Variants in DGKB observed in about 807,000 individuals in gnomAD.
DGKB encodes the protein diacylglycerol kinase beta.
Under a neutral mutation model 114.3 loss-of-function variants are expected in DGKB, and 67 were observed. The ratio of observed to expected loss-of-function variants is 0.59; its 90% CI spans 0.48 to 0.72. The LOEUF is 0.72. Ranked by LOEUF, DGKB falls within the 30% of genes least tolerant of loss-of-function variation. The pLI is 0.00. For synonymous variants in DGKB, 398 were observed against 323.1 expected (o/e 1.23, Z -2.49); for missense variants, 907 against 975.2 (o/e 0.93, Z 0.93).
intron 1 of DGKB, among the ~76,000 whole-genome samples, chr7:14,898,853 A>G (rs75062862): frequency 0.013 from 2,020 of 152,282 alleles, 39 homozygotes; most frequent in African/African-American, 0.046. Context: ...TTGAATCTAT[A>G]GTGATCGGCA....
intron 23 of DGKB, among the ~76,000 whole-genome samples, chr7:14,215,833 G>A (rs891663628): frequency 3.9e-5 from 6 of 152,118 alleles, no homozygotes; most frequent in South Asian, 4.2e-4. Context: ...AGATTTGAAA[G>A]GTATGCATTT....
intron 1 of DGKB, among the ~76,000 whole-genome samples, chr7:14,973,907 T>C (rs1181771866): frequency 1.3e-5 from 2 of 148,504 alleles, no homozygotes; most frequent in Non-Finnish European, 3.0e-5. Context: ...TTAAAATAAA[T>C]TTAAAACATA....
At chr7:14,941,492 A>G (rs1785569150) in intron 1 of DGKB, among the ~76,000 whole-genome samples, 2 of 152,108 alleles carry the variant, frequency 1.3e-5, no homozygotes, top group Non-Finnish European at 2.9e-5. Context: ...GCATAATTAA[A>G]TGGGTTTCAT....
intron 23 of DGKB, among the ~76,000 whole-genome samples, chr7:14,208,498 T>C (rs1160569176): frequency 2.0e-5 from 3 of 152,040 alleles, no homozygotes; most frequent in African/African-American, 7.2e-5. Context: ...TTTTGCTGGG[T>C]TGCAAGGGAT....
At chr7:14,337,790 TTACA>T (rs926557542) in intron 23 of DGKB, among the ~76,000 whole-genome samples, 1 of 152,140 alleles carries the variant, frequency 6.6e-6, no homozygotes, top group Non-Finnish European at 1.5e-5. Context: ...TATTATAGAA[TTACA>T]TACATAAACT....
intron 19 of DGKB, among the ~76,000 whole-genome samples, chr7:14,577,836 G>C (rs1208106099): frequency 6.6e-6 from 1 of 152,174 alleles, no homozygotes; most frequent in African/African-American, 2.4e-5. Flanking sequence ...CAAGTCAATA[G>C]ATTCCCTGAA....
chr7:14,844,473 G>C (rs1329822183), intron 1 of DGKB, among the ~76,000 whole-genome samples: 2 of 152,164 alleles, frequency 1.3e-5, no homozygotes, highest in African/African-American at 4.8e-5. Flanking sequence ...AAATAAAGAG[G>C]CTTGGGCATT....
At chr7:14,873,544 G>A (rs951126684) in intron 1 of DGKB, among the ~76,000 whole-genome samples, 1 of 151,880 alleles carries the variant, frequency 6.6e-6, no homozygotes, top group Non-Finnish European at 1.5e-5. Flanking sequence ...TTTGAACAAT[G>A]TATCTATAAT....
chr7:14,212,326 A>T (rs1474677130), intron 23 of DGKB, among the ~76,000 whole-genome samples: 1 of 22,800 alleles, frequency 4.4e-5, no homozygotes, highest in Non-Finnish European at 6.9e-5. Flanking sequence ...TTGTGATTTT[A>T]CTCTCATGTT....
intron 17 of DGKB, among the ~76,000 whole-genome samples, chr7:14,591,897 AC>A (rs1315781981): frequency 6.6e-6 from 1 of 151,908 alleles, no homozygotes; most frequent in East Asian, 1.9e-4. Context: ...CACCAGGAAA[AC>A]CTTTTTTAAA....
chr7:14,703,191 G>A (rs1825523010), intron 6 of DGKB, among the ~76,000 whole-genome samples: 1 of 152,174 alleles, frequency 6.6e-6, no homozygotes, highest in Admixed American at 6.5e-5. Flanking sequence ...TCAGAGAAAT[G>A]ATTAACTACC....
At chr7:14,860,806 A>C (rs1850865056) in intron 1 of DGKB, among the ~76,000 whole-genome samples, 2 of 151,954 alleles carry the variant, frequency 1.3e-5, no homozygotes, top group African/African-American at 4.8e-5. Context: ...TCTTTGAACA[A>C]CCTGATTTTA....
intron 20 of DGKB, among the ~76,000 whole-genome samples, chr7:14,546,165 C>A (rs1794250730): frequency 6.6e-6 from 1 of 152,118 alleles, no homozygotes; most frequent in African/African-American, 2.4e-5. Flanking sequence ...ATTCACATCA[C>A]CAAGGAAAAT....
intron 2 of DGKB, among the ~76,000 whole-genome samples, chr7:14,760,758 G>A (rs149946653): frequency 1.3e-5 from 2 of 152,202 alleles, no homozygotes; most frequent in Non-Finnish European, 2.9e-5. Context: ...CAACTTTAGA[G>A]ACACTGCTTA....
intron 20 of DGKB, among the ~76,000 whole-genome samples, chr7:14,493,650 C>G (rs939207896): frequency 6.6e-6 from 1 of 151,962 alleles, no homozygotes; most frequent in Non-Finnish European, 1.5e-5. Context: ...AGGGATGATT[C>G]AAGACCTGGG....
intron 21 of DGKB, among the ~76,000 whole-genome samples, chr7:14,366,637 A>C (rs186855419): frequency 6.6e-6 from 1 of 152,106 alleles, no homozygotes; most frequent in Admixed American, 6.6e-5. Flanking sequence ...TCGTAATGCA[A>C]ATTATTGCAC....
At chr7:14,648,119 A>C (rs1280990097) in intron 13 of DGKB, among the ~76,000 whole-genome samples, 1 of 152,224 alleles carries the variant, frequency 6.6e-6, no homozygotes, top group Non-Finnish European at 1.5e-5. Context: ...GCTGCCAGGA[A>C]GCTGGAACTG....
At chr7:14,835,637 G>T (rs1045855445) in intron 2 of DGKB, among the ~76,000 whole-genome samples, 2 of 152,098 alleles carry the variant, frequency 1.3e-5, no homozygotes, top group East Asian at 3.9e-4. Flanking sequence ...GCTAGCGTGT[G>T]ATCTAAATTT....
chr7:14,314,953 C>T (rs1350416884), intron 23 of DGKB, among the ~76,000 whole-genome samples: 1 of 151,562 alleles, frequency 6.6e-6, no homozygotes, highest in Admixed American at 6.6e-5. Context: ...ACCCTACAAG[C>T]CAGAAGAGAG....
Sources: allele counts gnomAD v4.1 joint callset (sites outside exome capture counted in the v4.1 genomes callset), GRCh38; gene constraint gnomAD v4.1.1; transcripts MANE v1.5; gene names NCBI Gene and HGNC (gene_info 2026-07-23, HGNC 2026-07-21).